CSPG4: variants seen among roughly 807,000 people sequenced by gnomAD.
The protein encoded by CSPG4 is chondroitin sulfate proteoglycan 4.
CSPG4 carries 74 observed loss-of-function variants against 139.3 expected under a neutral mutation model. The ratio of observed to expected loss-of-function variants is 0.53; its 90% CI spans 0.44 to 0.64. The LOEUF (loss-of-function observed/expected upper bound fraction) is 0.64. CSPG4 is among the 30% of genes least tolerant of loss of function. The pLI is 0.00. For synonymous variants in CSPG4, 1,234 were observed against 1,394.2 expected (o/e 0.89, Z 2.56); for missense variants, 2,565 against 3,148.3 (o/e 0.81, Z 4.43).
At position 75,675,682 on chromosome 15, in the gene CSPG4, C is replaced by T. The variant is rs779833639; in HGVS notation, c.6837G>A (p.Glu2279=). ...AGDTETFRKV[E]PGQAIPLTAV... ...CTGTGAGCGGGATGGCCTGGCCTGGCTCCACCTTGCGAAAGGTCTCGGTGT... is the reference window on the plus strand; with the variant it reads ...CTGTGAGCGGGATGGCCTGGCCTGGTTCCACCTTGCGAAAGGTCTCGGTGT... The change falls in exon 10 of 10, where the codon GAG becomes GAA. Residue 2279 remains glutamate (E), a synonymous_variant. Transcript: ENST00000308508. 1 of 1,554,944 alleles carries T rather than the reference C, an allele frequency of 6.4e-7. No individual in the cohort carries two copies. Among genetic ancestry groups the T allele is most frequent in the African/African-American group, 1.4e-5 (1 of 73,194 alleles).
At chr15:75,679,281 C>CT (rs1410208010) in intron 8 of CSPG4, 1 of 155,378 alleles carries the variant, frequency 6.4e-6, no homozygotes, top group Admixed American at 6.5e-5. Context: ...TTTTCAAGGG[C>CT]TCAGGCCACA....
At position 75,696,357 on chromosome 15, in the gene CSPG4, G is replaced by A. The variant is rs1347047323; in HGVS notation, c.89-3124C>T. Reference sequence around the variant, plus strand: ...GTCTGGGGGCCCGTGGGAGGGGCAGGAAGAGTGCTGCGTGTATGGGTTTCT... The same window carrying A: ...GTCTGGGGGCCCGTGGGAGGGGCAGAAAGAGTGCTGCGTGTATGGGTTTCT... On this transcript the variant is annotated intron_variant, in intron 1 of 9. Transcript: ENST00000308508. The surrounding 1 kb of genome is among the most constrained non-coding windows in gnomAD (Gnocchi z 4.2). Among the ~76,000 whole-genome samples the A allele has an allele frequency of 6.6e-6, 1 of 152,134 alleles. No individual in the cohort carries two copies. The highest frequency in any genetic ancestry group is 1.5e-5 in the Non-Finnish European group (1 of 68,010).
intron 8 of CSPG4, chr15:75,678,465 A>G (rs1238170416): frequency 2.8e-6 from 1 of 361,940 alleles, no homozygotes; most frequent in Admixed American, 3.4e-5. Context: ...CGATCCTCCC[A>G]CCTCAGCTTC....
rs1894229424 is a variant in CSPG4 at position 75,696,529 on chromosome 15, C to T, written c.89-3296G>A. The stretch of plus-strand genomic sequence containing the variant: ...TTGTGTGTGTGTGCGCGTGTGTGGG[C>T]CGGGAGCTGCCAGGACAGAGCAATG... On this transcript the variant is annotated intron_variant, in intron 1 of 9. Coordinates refer to ENST00000308508, the MANE Select transcript of CSPG4 (RefSeq NM_001897.5). This position sits in a 1 kb window ranked among gnomAD's most constrained non-coding sequence, Gnocchi z 4.2. Among the ~76,000 whole-genome samples, 1 of 152,016 alleles carries T rather than the reference C, an allele frequency of 6.6e-6. No individual in the cohort carries two copies. The highest frequency in any genetic ancestry group is 2.4e-5 in the African/African-American group (1 of 41,388).
chr15:75,678,185 A>G (rs1372273539), intron 8 of CSPG4, among the ~76,000 whole-genome samples: 1 of 152,138 alleles, frequency 6.6e-6, no homozygotes, highest in African/African-American at 2.4e-5. Flanking sequence ...TAAAGCGAGT[A>G]CTTCCTCTTG....
At chr15:75,683,818 G>A (rs1451585979) in intron 5 of CSPG4, among the ~76,000 whole-genome samples, 1 of 152,190 alleles carries the variant, frequency 6.6e-6, no homozygotes, top group African/African-American at 2.4e-5. Context: ...GAGCCCTCAG[G>A]CCCAGCCCTG....
intron 8 of CSPG4, among the ~76,000 whole-genome samples, chr15:75,680,998 C>T (rs1893967154): frequency 6.6e-6 from 1 of 152,198 alleles, no homozygotes; most frequent in African/African-American, 2.4e-5. Context: ...TAACGTGGGA[C>T]TATAAAGTGC....
In CSPG4 at chr15:75,685,388, G is replaced by A; in HGVS notation, c.4103C>T (p.Pro1368Leu). The change falls in exon 4 of 10, where the codon CCT (proline) becomes CTT (leucine). Residue 1368 changes from proline to leucine, a missense_variant. Around this residue, in one of 5 missense-constraint regions of CSPG4, gnomAD observed 2,316 missense variants for 2,818.2 expected, o/e 0.82. Coordinates refer to ENST00000308508, the MANE Select transcript of CSPG4 (RefSeq NM_001897.5). Reference sequence around the variant, plus strand: ...GGCCAGGGTGAGGCTGCCACCCTCAGGGACGCTGAAGTTTTGCGCCTCTAG... The same window carrying A: ...GGCCAGGGTGAGGCTGCCACCCTCAAGGACGCTGAAGTTTTGCGCCTCTAG... ...IPLEAQNFSV[P>L]EGGSLTLAPP... 6.2e-7 allele frequency: 1 copy of A among 1,610,814 alleles called. No individual in the cohort carries two copies. Among genetic ancestry groups the A allele is most frequent in the Non-Finnish European group, 8.5e-7 (1 of 1,179,244 alleles).
At position 75,689,179 on chromosome 15, in the gene CSPG4, A is replaced by G; in HGVS notation, c.1886T>C (p.Val629Ala). 6.2e-7 allele frequency: 1 copy of G among 1,605,160 alleles called. No individual in the cohort carries two copies. The highest frequency in any genetic ancestry group is 8.5e-7 in the Non-Finnish European group (1 of 1,176,614). ...RELEAGSLVYVHRGGPAQDLT... is the reference protein window; with the variant it reads ...RELEAGSLVYAHRGGPAQDLT... ...GTCCTGTGCAGGACCACCGCGGTGGACATAGACTAGGCTGCCGGCCTCCAA... is the reference window on the plus strand; with the variant it reads ...GTCCTGTGCAGGACCACCGCGGTGGGCATAGACTAGGCTGCCGGCCTCCAA... Residue 629 changes from valine to alanine, a missense_variant, in exon 3 of 10, where the codon GTC becomes GCC. Physicochemically the swap from Val to Ala is moderately conservative, Grantham distance 64. This residue lies in a region of CSPG4 where 2,316 missense variants were observed against 2,818.2 expected (regional missense o/e 0.82). Transcript: ENST00000308508.
At position 75,690,012 on chromosome 15, in the gene CSPG4, C is replaced by G; in HGVS notation, c.1053G>C (p.Leu351=). The G allele has an allele frequency of 6.2e-7, 1 of 1,611,866 alleles. No homozygotes were observed. The highest frequency in any genetic ancestry group is 8.5e-7 in the Non-Finnish European group (1 of 1,179,546). Residue 351 remains leucine (L), a synonymous_variant, in exon 3 of 10, where the codon CTG becomes CTC. Transcript: ENST00000308508. ...GLTPEATNAS[L]LGCMEDLSVN... ...CACTGAGGTCTTCCATGCAGCCCAG[C>G]AGGGAGGCATTGGTGGCCTCTGGTG...
At position 75,674,338 on chromosome 15, in the gene CSPG4, T is replaced by C. The variant is rs540692089; in HGVS notation, c.*1212A>G. ...GCTAATAAATCTAGGGTGGGGAGCA[T>C]TTATTTTAATTTTTGTCTTGCAGCT... On this transcript the variant is annotated 3_prime_UTR_variant, in exon 10 of 10. Transcript: ENST00000308508. 5.5e-4 allele frequency: 95 copies of C among 172,578 alleles called. 1 individual carries two copies. The highest frequency in any genetic ancestry group is 2.2e-3 in the African/African-American group (92 of 42,506). 10.7% of individuals were successfully genotyped at this position (172,578 alleles called of 1,614,324 possible).
intron 8 of CSPG4, 126 bp downstream of exon 8, chr15:75,682,167 G>T: frequency 1.6e-6 from 2 of 1,246,126 alleles, no homozygotes; most frequent in Non-Finnish European, 2.3e-6. Flanking sequence ...CTGGACAATG[G>T]CAGGCCCGGG....
At chr15:75,691,934 C>A (rs1246859337) in intron 2 of CSPG4, among the ~76,000 whole-genome samples, 1 of 152,136 alleles carries the variant, frequency 6.6e-6, no homozygotes, top group South Asian at 2.1e-4. Context: ...AGCAGACTGA[C>A]CAAGCCCTAG....
intron 1 of CSPG4, among the ~76,000 whole-genome samples, chr15:75,703,412 TGGTGCTCC>T (rs1209416707): frequency 6.6e-6 from 1 of 151,620 alleles, no homozygotes; most frequent in Non-Finnish European, 1.5e-5. Context: ...AGAGTCTTCA[TGGTGCTCC>T]AGGCAGCGTG....
intron 1 of CSPG4, among the ~76,000 whole-genome samples, chr15:75,701,978 T>G (rs1349917595): frequency 6.6e-6 from 1 of 152,238 alleles, no homozygotes; most frequent in Non-Finnish European, 1.5e-5. Context: ...CAACTTCATC[T>G]TCCTCTCTTG....
At chr15:75,694,639 G>A (rs1053771298) in intron 1 of CSPG4, among the ~76,000 whole-genome samples, 9 of 152,260 alleles carry the variant, frequency 5.9e-5, no homozygotes, top group African/African-American at 2.2e-4. Flanking sequence ...CCACTGGGAG[G>A]GATGTCCAAG....
chr15:75,685,675 T>C lies in CSPG4; in HGVS notation c.3816A>G (p.Ala1272=), dbSNP rs1187100750. ...GGCTCTTCACTGAGAATACGATGTC[T>C]GCAGGTGGCACTGCCTCCTGGGCTG... The part of the protein sequence containing the change: ...LEAAQEAVPP[A]DIVFSVKSPP... Residue 1272 remains alanine, a synonymous_variant, in exon 4 of 10, where the codon GCA becomes GCG. Coordinates refer to ENST00000308508, the MANE Select transcript of CSPG4 (RefSeq NM_001897.5). 1.2e-6 allele frequency: 2 copies of C among 1,601,310 alleles called. No homozygotes were observed. The highest frequency in any genetic ancestry group is 1.1e-5 in the South Asian group (1 of 90,602).
Position 75,674,978 on chromosome 15 carries a change from T to C in CSPG4, c.*572A>G, listed in dbSNP as rs1053597483. 30 of 395,870 alleles carry C rather than the reference T, an allele frequency of 7.6e-5. No homozygotes were observed. Among genetic ancestry groups the C allele is most frequent in the Non-Finnish European group, 3.1e-5 (7 of 224,966 alleles). 24.5% of individuals were successfully genotyped at this position (395,870 alleles called of 1,614,324 possible). ...CTGCACCCTGAATATATTATCCTAT[T>C]GGCTTATGCCTTCTAGACTGGAGGC... On this transcript the variant is annotated 3_prime_UTR_variant, in exon 10 of 10. Transcript: ENST00000308508.
At position 75,685,512 on chromosome 15, in the gene CSPG4, C is replaced by G; in HGVS notation, c.3979G>C (p.Ala1327Pro). The G allele has an allele frequency of 6.2e-7, 1 of 1,609,426 alleles. No individual in the cohort carries two copies. Among genetic ancestry groups the G allele is most frequent in the Non-Finnish European group, 8.5e-7 (1 of 1,178,882 alleles). Residue 1327 changes from alanine to proline, a missense_variant, in exon 4 of 10, where the codon GCC (alanine) becomes CCC (proline). Ala to Pro is a conservative substitution (Grantham distance 27). Coordinates refer to ENST00000308508, the MANE Select transcript of CSPG4 (RefSeq NM_001897.5). ...TCCAGCGAGAAGGCATCGCTCCAGGCCTCAGGGCGGGAGTGCAGGTACAGG... is the reference window on the plus strand; with the variant it reads ...TCCAGCGAGAAGGCATCGCTCCAGGGCTCAGGGCGGGAGTGCAGGTACAGG... The part of the protein sequence containing the change: ...RVLYLHSRPE[A>P]WSDAFSLDVA...
Sources: allele counts gnomAD v4.1 joint callset (sites outside exome capture counted in the v4.1 genomes callset), GRCh38; gene constraint gnomAD v4.1.1; regional missense constraint gnomAD v4.1.1; non-coding constraint Gnocchi (gnomAD v3.1); transcripts MANE v1.5; gene names NCBI Gene and HGNC (gene_info 2026-07-23, HGNC 2026-07-21).